KCTD8: variants seen among roughly 807,000 people sequenced by gnomAD.
KCTD8 encodes the protein BTB/POZ domain-containing protein KCTD8.
A neutral mutation model predicts 31.5 loss-of-function variants in KCTD8; 27 were observed. The observed-to-expected ratio is 0.86, with a 90% CI of 0.63 to 1.18. The LOEUF (loss-of-function observed/expected upper bound fraction) is 1.18. KCTD8 is among the 50% of genes most tolerant of loss of function. KCTD8 has a pLI of 0.00. For synonymous variants in KCTD8, 290 were observed against 280.0 expected, an observed-to-expected ratio of 1.04 and a Z score of -0.36; for missense variants, 658 against 647.7, an observed-to-expected ratio of 1.02 and a Z score of -0.17.
At chr4:44,188,377 T>G (rs716890) in intron 1 of KCTD8, among the ~76,000 whole-genome samples, 23,306 of 152,146 alleles carry the variant, frequency 0.15, 1,912 homozygotes, top group East Asian at 0.26. Context: ...GAGCAGAATT[T>G]TGCTTGATGT....
At chr4:44,181,593 C>T (rs1405809938) in intron 1 of KCTD8, among the ~76,000 whole-genome samples, 4 of 152,198 alleles carry the variant, frequency 2.6e-5, no homozygotes, top group Admixed American at 6.5e-5. Flanking sequence ...TCTCGGCTAG[C>T]TACAACCTCC....
intron 1 of KCTD8, among the ~76,000 whole-genome samples, chr4:44,441,332 G>A (rs1721804965): frequency 6.6e-6 from 1 of 151,838 alleles, no homozygotes; most frequent in African/African-American, 2.4e-5. Context: ...AGTGTTAAAT[G>A]GACTCAAATG....
chr4:44,360,612 G>A (rs141488079), intron 1 of KCTD8, among the ~76,000 whole-genome samples: 1 of 151,974 alleles, frequency 6.6e-6, no homozygotes, highest in East Asian at 1.9e-4. Flanking sequence ...CAGGAGCATC[G>A]AGAAAACAGA....
chr4:44,359,297 G>A (rs772097033), intron 1 of KCTD8, among the ~76,000 whole-genome samples: 1 of 151,372 alleles, frequency 6.6e-6, no homozygotes, highest in Non-Finnish European at 1.5e-5. Flanking sequence ...TTTTAACACT[G>A]TTGCTTCTTC....
intron 1 of KCTD8, among the ~76,000 whole-genome samples, chr4:44,418,986 C>T (rs1721145110): frequency 6.6e-6 from 1 of 152,178 alleles, no homozygotes. Context: ...TTTTACTACT[C>T]TTTTTAAACA....
At chr4:44,254,910 T>C (rs1335569165) in intron 1 of KCTD8, among the ~76,000 whole-genome samples, 2 of 151,826 alleles carry the variant, frequency 1.3e-5, no homozygotes, top group Non-Finnish European at 2.9e-5. Flanking sequence ...TGTGGGAACA[T>C]TTTATTTATA....
chr4:44,437,183 G>T (rs113739651), intron 1 of KCTD8, among the ~76,000 whole-genome samples: 62 of 152,088 alleles, frequency 4.1e-4, no homozygotes, highest in Admixed American at 9.8e-4. Flanking sequence ...TATGTCTGCA[G>T]AGGCAAGGAG....
intron 1 of KCTD8, among the ~76,000 whole-genome samples, chr4:44,420,819 G>C (rs983254798): frequency 2.0e-5 from 3 of 152,028 alleles, no homozygotes; most frequent in East Asian, 1.9e-4. Flanking sequence ...GAGAGACATA[G>C]GGAAGGATTA....
intron 1 of KCTD8, among the ~76,000 whole-genome samples, chr4:44,350,694 A>G (rs1169710554): frequency 2.0e-5 from 3 of 152,204 alleles, no homozygotes; most frequent in Admixed American, 1.3e-4. Flanking sequence ...TTCATTGTTT[A>G]GAAGAACATT....
intron 1 of KCTD8, among the ~76,000 whole-genome samples, chr4:44,292,865 T>C (rs1717320930): frequency 6.6e-6 from 1 of 152,118 alleles, no homozygotes; most frequent in African/African-American, 2.4e-5. Flanking sequence ...TAAAACTTGT[T>C]TTAATTATAA....
At chr4:44,224,356 C>A (rs1467101207) in intron 1 of KCTD8, among the ~76,000 whole-genome samples, 4 of 152,192 alleles carry the variant, frequency 2.6e-5, no homozygotes, top group Non-Finnish European at 5.9e-5. Flanking sequence ...TGTCCACCAA[C>A]ATGCAGAAAA....
At chr4:44,428,468 G>T (rs1230933109) in intron 1 of KCTD8, among the ~76,000 whole-genome samples, 1 of 151,602 alleles carries the variant, frequency 6.6e-6, no homozygotes, top group Non-Finnish European at 1.5e-5. Context: ...CCCACTCTGG[G>T]CTTCATTTTC....
chr4:44,283,418 A>G lies in KCTD8; in HGVS notation c.962-108168T>C, dbSNP rs528843292. ...GACATTTTCATAGCTAGAGAGGTGAAGTCAATGACTGGCTTCCAATCATTA... is the reference window on the plus strand; with the variant it reads ...GACATTTTCATAGCTAGAGAGGTGAGGTCAATGACTGGCTTCCAATCATTA... On this transcript the variant is annotated intron_variant, in intron 1 of 1. Coordinates refer to ENST00000360029, the MANE Select transcript of KCTD8 (RefSeq NM_198353.3). Among the ~76,000 whole-genome samples the G allele has an allele frequency of 4.6e-4, 70 of 152,218 alleles. 3 individuals carry two copies. The South Asian group carries it at 0.013, about 29-fold the overall frequency.
intron 1 of KCTD8, among the ~76,000 whole-genome samples, chr4:44,328,855 T>C (rs1718520855): frequency 6.6e-6 from 1 of 151,874 alleles, no homozygotes; most frequent in South Asian, 2.1e-4. Flanking sequence ...AGATTAAGTT[T>C]ACCATCACTC....
At chr4:44,311,113 A>G (rs1717938590) in intron 1 of KCTD8, among the ~76,000 whole-genome samples, 1 of 152,032 alleles carries the variant, frequency 6.6e-6, no homozygotes, top group Admixed American at 6.6e-5. Flanking sequence ...ATTTGTCTAT[A>G]AATAACAATC....
chr4:44,257,287 A>G (rs1716018171), intron 1 of KCTD8, among the ~76,000 whole-genome samples: 1 of 152,038 alleles, frequency 6.6e-6, no homozygotes, highest in Admixed American at 6.6e-5. Context: ...GATAACAGGG[A>G]AAATTAAAAT....
At chr4:44,262,189 A>T (rs79058242) in intron 1 of KCTD8, among the ~76,000 whole-genome samples, 12,004 of 152,156 alleles carry the variant, frequency 0.079, 630 homozygotes, top group Non-Finnish European at 0.11. Context: ...GTCACAGGTC[A>T]CTTTGACAAG....
intron 1 of KCTD8, among the ~76,000 whole-genome samples, chr4:44,175,648 C>T (rs576640083): frequency 3.0e-4 from 45 of 152,160 alleles, no homozygotes; most frequent in Admixed American, 1.3e-3. Flanking sequence ...TTTGTTCTAC[C>T]CACTGCACTA....
chr4:44,447,744 C>T lies in KCTD8; in HGVS notation c.780G>A (p.Arg260=). 1 of 1,612,108 alleles carries T rather than the reference C, an allele frequency of 6.2e-7. No individual in the cohort carries two copies. Among genetic ancestry groups the T allele is most frequent in the Non-Finnish European group, 8.5e-7 (1 of 1,179,188 alleles). Residue 260 remains arginine, a synonymous_variant, in exon 1 of 2, where the codon CGG becomes CGA. Transcript: ENST00000360029. ...DTLNESRDPD[R]QPEKYTSRFY... The stretch of plus-strand genomic sequence containing the variant: ...AGCGGGACGTGTACTTCTCCGGCTG[C>T]CGGTCGGGGTCGCGGCTCTCGTTGA...
Sources: gnomAD v4.1 joint callset for allele counts (sites outside exome capture counted in the v4.1 genomes callset) on GRCh38, gnomAD v4.1.1 for gene constraint, MANE v1.5 for transcripts, NCBI Gene and HGNC (gene_info 2026-07-23, HGNC 2026-07-21) for gene names.